USP12: variants seen among roughly 807,000 people sequenced by gnomAD.
USP12 encodes the protein ubiquitin specific peptidase 12, also known as ubiquitin carboxyl-terminal hydrolase 12.
A neutral mutation model predicts 45.5 loss-of-function variants in USP12; 19 were observed. That is an observed-to-expected ratio of 0.42 (90% CI 0.29 to 0.61). USP12 has a LOEUF of 0.61. USP12 is among the 20% of genes least tolerant of loss of function. The pLI is 0.22. For missense variants in USP12, 242 were observed against 447.7 expected (o/e 0.54, Z 4.15); for synonymous variants, 149 against 148.8 (o/e 1.00, Z -0.01).
intron 1 of USP12, chr13:27,170,212 ATTTC>A (rs766601939): frequency 7.3e-5 from 29 of 398,038 alleles, no homozygotes; most frequent in Non-Finnish European, 1.2e-4. Flanking sequence ...CTTCAATATG[ATTTC>A]TTTAATACTG....
At chr13:27,086,187 A>ATAT (rs1289444305) in intron 6 of USP12, among the ~76,000 whole-genome samples, 1,008 of 72,598 alleles carry the variant, frequency 0.014, 18 homozygotes, top group African/African-American at 0.017. Flanking sequence ...AAAAAAAAAA[A>ATAT]AAAAAAAAAA....
At position 27,071,100 on chromosome 13, in the gene USP12, A is replaced by G; in HGVS notation, c.982T>C (p.Trp328Arg). 1 of 1,609,530 alleles carries G rather than the reference A, an allele frequency of 6.2e-7. No individual in the cohort carries two copies. Among genetic ancestry groups the G allele is most frequent in the Non-Finnish European group, 8.5e-7 (1 of 1,178,830 alleles). ...YIAIVKSHDF[W>R]LLFDDDIVEK... Reference sequence around the variant, plus strand: ...ACAATGTCGTCATCAAACAACAACCAAAAATCATGACTCTTAACTATTGCA... The same window carrying G: ...ACAATGTCGTCATCAAACAACAACCGAAAATCATGACTCTTAACTATTGCA... The change falls in exon 8 of 9, where the codon TGG becomes CGG. Residue 328 changes from tryptophan (W) to arginine (R), a missense_variant. Physicochemically the swap from Trp to Arg is moderately radical, Grantham distance 101. Coordinates refer to ENST00000282344, the MANE Select transcript of USP12 (RefSeq NM_182488.4).
intron 6 of USP12, among the ~76,000 whole-genome samples, chr13:27,076,814 C>T (rs560776695): frequency 1.4e-3 from 212 of 152,186 alleles, no homozygotes; most frequent in Non-Finnish European, 2.3e-3. Context: ...TGGTGGATAG[C>T]TTATTATTCC....
In USP12 at chr13:27,095,759, T is replaced by C. The variant is rs1291508957; in HGVS notation, c.415A>G (p.Ile139Val). The change falls in exon 4 of 9, where the codon ATT becomes GTT. Residue 139 changes from isoleucine to valine, a missense_variant. Around this residue, in one of 5 missense-constraint regions of USP12, gnomAD observed 77 missense variants for 153.7 expected, o/e 0.50. Coordinates refer to ENST00000282344, the MANE Select transcript of USP12 (RefSeq NM_182488.4). ...TCCTGCTTTCTCTCTTCTTGTAAAA[T>C]ATCAGCAATTGTATTTAGTAGGTAA... The part of the protein sequence containing the change: ...LNYLLNTIAD[I>V]LQEERKQEKQ... 1 of 1,613,054 alleles carries C rather than the reference T, an allele frequency of 6.2e-7. No individual in the cohort carries two copies. The highest frequency in any genetic ancestry group is 1.3e-5 in the African/African-American group (1 of 74,910).
chr13:27,111,954 TGA>T (rs1375284190), intron 2 of USP12, among the ~76,000 whole-genome samples: 4 of 152,214 alleles, frequency 2.6e-5, no homozygotes, highest in African/African-American at 9.6e-5. Context: ...TGCAAGGGAA[TGA>T]GAGTCTCACT....
At chr13:27,114,444 T>G (rs1473783934) in intron 2 of USP12, among the ~76,000 whole-genome samples, 1 of 152,208 alleles carries the variant, frequency 6.6e-6, no homozygotes, top group Non-Finnish European at 1.5e-5. Context: ...AAAGAAAGCT[T>G]CCAAAGGCTC....
intron 1 of USP12, among the ~76,000 whole-genome samples, chr13:27,124,917 A>T (rs1377028159): frequency 6.6e-6 from 1 of 152,254 alleles, no homozygotes; most frequent in East Asian, 1.9e-4. Context: ...TTATACAATG[A>T]GTTTGAGGAA....
At chr13:27,089,227 A>G (rs1874204540) in intron 6 of USP12, among the ~76,000 whole-genome samples, 2 of 152,232 alleles carry the variant, frequency 1.3e-5, no homozygotes, top group South Asian at 4.1e-4. Context: ...CAGTAACAGT[A>G]GCATGTCAGT....
intron 7 of USP12, 33 bp from the exon 8 acceptor site, chr13:27,071,182 T>C (rs939465481): frequency 3.9e-6 from 6 of 1,522,208 alleles, no homozygotes; most frequent in Non-Finnish European, 4.5e-6. Context: ...TAATTCAATA[T>C]ATTTATTAAT....
intron 1 of USP12, among the ~76,000 whole-genome samples, chr13:27,169,449 A>G (rs574479263): frequency 1.6e-4 from 24 of 152,354 alleles, no homozygotes; most frequent in African/African-American, 5.5e-4. Flanking sequence ...TCTTTAAAGA[A>G]TAAGACTGCA....
At chr13:27,141,483 A>G (rs561348051) in intron 1 of USP12, among the ~76,000 whole-genome samples, 75 of 152,280 alleles carry the variant, frequency 4.9e-4, no homozygotes, top group Middle Eastern at 3.4e-3. Context: ...AAGGCTGGAG[A>G]AAGGAAGATA....
chr13:27,111,870 A>G (rs1411575382), intron 2 of USP12, among the ~76,000 whole-genome samples: 1 of 152,202 alleles, frequency 6.6e-6, no homozygotes, highest in Admixed American at 6.5e-5. Flanking sequence ...ATAGTCTGTG[A>G]TGTTCAGTTA....
intron 1 of USP12, among the ~76,000 whole-genome samples, chr13:27,124,400 G>A (rs138578684): frequency 2.6e-5 from 4 of 152,094 alleles, no homozygotes; most frequent in African/African-American, 9.7e-5. Context: ...ACCTTACCAA[G>A]AAATTAAAAA....
chr13:27,081,778 CA>C (rs1287553220), intron 6 of USP12, among the ~76,000 whole-genome samples: 1 of 152,158 alleles, frequency 6.6e-6, no homozygotes, highest in Non-Finnish European at 1.5e-5. Context: ...CTTATGTTAG[CA>C]GGCATGAAAA....
chr13:27,155,302 TG>T (rs1877783075), intron 1 of USP12, among the ~76,000 whole-genome samples: 1 of 151,784 alleles, frequency 6.6e-6, no homozygotes, highest in Non-Finnish European at 1.5e-5. Flanking sequence ...AAGATGGTCT[TG>T]ATCTCCTGAC....
At position 27,161,550 on chromosome 13, in the gene USP12, AAT is replaced by A. The variant is rs777256034; in HGVS notation, c.48+10040_48+10041del. On this transcript the variant is annotated intron_variant, in intron 1 of 8. Coordinates refer to ENST00000282344, the MANE Select transcript of USP12 (RefSeq NM_182488.4). Reference sequence around the variant, plus strand: ...CTATAATTTTATACCTTTAAAAAAAAATGTTACTAATAGGGAATTGCAGTGTT... The same window carrying A: ...CTATAATTTTATACCTTTAAAAAAAAGTTACTAATAGGGAATTGCAGTGTT... Among the ~76,000 whole-genome samples, 213 of 152,268 alleles carry A rather than the reference AAT, an allele frequency of 1.4e-3. 1 individual carries two copies. Among genetic ancestry groups the A allele is most frequent in the Middle Eastern group, 0.014 (4 of 294 alleles).
chr13:27,118,793 A>G (rs1875856679), intron 1 of USP12, among the ~76,000 whole-genome samples: 1 of 152,212 alleles, frequency 6.6e-6, no homozygotes, highest in Admixed American at 6.5e-5. Flanking sequence ...TTTAAGACAC[A>G]CTAAGAACAA....
At chr13:27,094,115 G>A (rs1327063269) in intron 4 of USP12, among the ~76,000 whole-genome samples, 1 of 151,808 alleles carries the variant, frequency 6.6e-6, no homozygotes, top group Non-Finnish European at 1.5e-5. Context: ...TAAATCTTGG[G>A]TGAGATTTTG....
At chr13:27,171,564 C>T (rs2137856775) in intron 1 of USP12, 28 bp downstream of exon 1, 5 of 1,239,436 alleles carry the variant, frequency 4.0e-6, no homozygotes, top group East Asian at 6.6e-5. Flanking sequence ...GTCCCGGCAG[C>T]CCCGGCCGCC....
Sources: allele counts gnomAD v4.1 joint callset (sites outside exome capture counted in the v4.1 genomes callset), GRCh38; gene constraint gnomAD v4.1.1; regional missense constraint gnomAD v4.1.1; transcripts MANE v1.5; gene names NCBI Gene and HGNC (gene_info 2026-07-23, HGNC 2026-07-21).